Variants in ERF observed in about 807,000 individuals in gnomAD.
ERF encodes the protein ETS domain-containing transcription factor ERF.
Under a neutral mutation model 41.6 loss-of-function variants are expected in ERF, and 10 were observed. The ratio of observed to expected loss-of-function variants is 0.24; its 90% CI spans 0.15 to 0.41. The LOEUF is 0.41. ERF is among the 10% of genes least tolerant of loss of function. ERF has a pLI of 1.00. For synonymous variants in ERF, 395 were observed against 342.4 expected (o/e 1.15, Z -1.70); for missense variants, 621 against 763.2 (o/e 0.81, Z 2.19).
Position 42,249,256 on chromosome 19 carries a change from T to C in ERF, c.856A>G (p.Met286Val). 1 of 1,612,154 alleles carries C rather than the reference T, an allele frequency of 6.2e-7. No individual in the cohort carries two copies. Residue 286 changes from methionine to valine, a missense_variant, in exon 4 of 4, where the codon ATG (methionine) becomes GTG (valine). Met to Val is a conservative substitution (Grantham distance 21, BLOSUM62 1). Around this residue, in one of 3 missense-constraint regions of ERF, gnomAD observed 569 missense variants for 625.5 expected, o/e 0.91. Coordinates refer to ENST00000222329, the MANE Select transcript of ERF (RefSeq NM_006494.4). This position sits in a 1 kb window ranked among gnomAD's most constrained non-coding sequence, Gnocchi z 8.6. ...GGCCCCCCGCCACCACTGGGGTACA[T>C]CGGGCTCAGCGTGGGCGAGGGAGTG... ...AYTPSPTLSP[M>V]YPSGGGGPSG... is the part of the protein sequence containing the mutation.
intron 1 of ERF, chr19:42,253,847 C>G: frequency 2.4e-5 from 26 of 1,064,910 alleles, no homozygotes; most frequent in Non-Finnish European, 2.8e-5. Context: ...CACACCCGCA[C>G]ACAGGAGCCC....
rs750423382 is a variant in ERF at position 42,248,849 on chromosome 19, C to G, written c.1263G>C (p.Pro421=). Residue 421 remains proline (P), a synonymous_variant, in exon 4 of 4, where the codon CCG becomes CCC. Coordinates refer to ENST00000222329, the MANE Select transcript of ERF (RefSeq NM_006494.4). The surrounding 1 kb of genome is among the most constrained non-coding windows in gnomAD (Gnocchi z 4.2). The part of the protein sequence containing the change: ...EGAGALAPPP[P]PPQIKVEPIS... ...TGGGCTCCACCTTGATCTGTGGTGG[C>G]GGGGGCGGTGGGGCTAGCGCCCCTG... 111 of 1,610,716 alleles carry G rather than the reference C, an allele frequency of 6.9e-5. No homozygotes were observed. The highest frequency in any genetic ancestry group is 4.5e-5 in the East Asian group (2 of 44,828).
rs2036407790 is a variant in ERF, at chr19:42,249,611, T to A, written c.501A>T (p.Ser167=). The part of the protein sequence containing the change: ...EDPRSPPACS[S]SSSSLFSAVV... The stretch of plus-strand genomic sequence containing the variant: ...CAGCCGAGAAGAGGGAAGATGAAGA[T>A]GAAGAGCAGGCTGGTGGTGAGCGGG... The change falls in exon 4 of 4, where the codon TCA becomes TCT. Residue 167 remains serine, a synonymous_variant. Transcript: ENST00000222329. This position sits in a 1 kb window ranked among gnomAD's most constrained non-coding sequence, Gnocchi z 8.6. The A allele has an allele frequency of 1.9e-6, 3 of 1,612,804 alleles. No individual in the cohort carries two copies. The highest frequency in any genetic ancestry group is 2.5e-6 in the Non-Finnish European group (3 of 1,179,714).
chr19:42,249,257 C>G lies in ERF; in HGVS notation c.855G>C (p.Pro285=). 4.3e-6 allele frequency: 7 copies of G among 1,611,628 alleles called. No homozygotes were observed. Among genetic ancestry groups the G allele is most frequent in the Non-Finnish European group, 5.1e-6 (6 of 1,178,920 alleles). Residue 285 remains proline, a synonymous_variant, in exon 4 of 4, where the codon CCG becomes CCC. Coordinates refer to ENST00000222329, the MANE Select transcript of ERF (RefSeq NM_006494.4). The surrounding 1 kb of genome is among the most constrained non-coding windows in gnomAD (Gnocchi z 8.6). ...LAYTPSPTLS[P]MYPSGGGGPS... ...GCCCCCCGCCACCACTGGGGTACAT[C>G]GGGCTCAGCGTGGGCGAGGGAGTGT...
chr19:42,251,238 G>C (rs2036440349), intron 1 of ERF: 1 of 985,192 alleles, frequency 1.0e-6, no homozygotes, highest in African/African-American at 1.7e-5. Context: ...GCCCTCCCCA[G>C]ACCCAGGCAT....
chr19:42,254,337 C>G (rs967817487), intron 1 of ERF, among the ~76,000 whole-genome samples: 2 of 151,992 alleles, frequency 1.3e-5, no homozygotes, highest in Non-Finnish European at 2.9e-5. Context: ...CACCTTAAAG[C>G]CGCGCGTTCT....
intron 1 of ERF, 61 bp downstream of exon 1, chr19:42,254,917 T>C: frequency 6.7e-7 from 1 of 1,500,308 alleles, no homozygotes; most frequent in Non-Finnish European, 8.9e-7. Context: ...CCCCCCAAAG[T>C]TTCTCCGTTC....
chr19:42,254,088 G>C (rs1275711100), intron 1 of ERF, among the ~76,000 whole-genome samples: 1 of 149,298 alleles, frequency 6.7e-6, no homozygotes, highest in Non-Finnish European at 1.5e-5. Flanking sequence ...GGGAGGGGGA[G>C]TTAATCCCGC....
At position 42,250,917 on chromosome 19, in the gene ERF, C is replaced by T. The variant is rs2036434487; in HGVS notation, c.23-352G>A. Among the ~76,000 whole-genome samples the T allele has an allele frequency of 6.6e-6, 1 of 152,252 alleles. No homozygotes were observed. The highest frequency in any genetic ancestry group is 1.9e-4 in the East Asian group (1 of 5,168). On this transcript the variant is annotated intron_variant, in intron 1 of 3. Coordinates refer to ENST00000222329, the MANE Select transcript of ERF (RefSeq NM_006494.4). This position sits in a 1 kb window ranked among gnomAD's most constrained non-coding sequence, Gnocchi z 5.1. ...GGCAGGAAGGGGCACACGTGGCCAG[C>T]CGGGTTGGGGTACAGCCCCCCAGCT...
intron 1 of ERF, among the ~76,000 whole-genome samples, chr19:42,252,279 G>A (rs2036456500): frequency 1.3e-5 from 2 of 152,292 alleles, no homozygotes; most frequent in African/African-American, 2.4e-5. Flanking sequence ...TCTAGACCTA[G>A]AAGGGGGGCC....
Position 42,250,647 on chromosome 19 carries a change from C to A in ERF, c.23-82G>T. 2 of 1,364,102 alleles carry A rather than the reference C, an allele frequency of 1.5e-6. No individual in the cohort carries two copies. Among genetic ancestry groups the A allele is most frequent in the South Asian group, 1.3e-5 (1 of 75,644 alleles). 84.5% of individuals were successfully genotyped at this position (1,364,102 alleles called of 1,614,324 possible). On this transcript the variant is annotated intron_variant, in intron 1 of 3. Coordinates refer to ENST00000222329, the MANE Select transcript of ERF (RefSeq NM_006494.4). The surrounding 1 kb of genome is among the most constrained non-coding windows in gnomAD (Gnocchi z 5.1). Reference sequence around the variant, plus strand: ...GGTCCCATCCCAGGGTCCACCTCTGCCCTGCCTTCAACATGGGGAAATCTG... The same window carrying A: ...GGTCCCATCCCAGGGTCCACCTCTGACCTGCCTTCAACATGGGGAAATCTG...
At chr19:42,251,129 G>T in intron 1 of ERF, 1 of 783,320 alleles carries the variant, frequency 1.3e-6, no homozygotes, top group Non-Finnish European at 1.5e-6. Context: ...TTGCCGATGA[G>T]GTCAGCGCTT....
chr19:42,249,527 C>T lies in ERF; in HGVS notation c.585G>A (p.Glu195=), dbSNP rs769297605. Residue 195 remains glutamate (E), a synonymous_variant, in exon 4 of 4, where the codon GAG becomes GAA. Transcript: ENST00000222329. The surrounding 1 kb of genome is among the most constrained non-coding windows in gnomAD (Gnocchi z 8.6). The part of the protein sequence containing the change: ...SVSDCSDGTS[E]LEEPLGEDPR... ...GATCCTCTCCCAGCGGTTCCTCCAG[C>T]TCTGACGTGCCATCACTACAGTCAC... is the stretch of plus-strand genomic sequence containing the variant. 1 of 1,613,258 alleles carries T rather than the reference C, an allele frequency of 6.2e-7. No individual in the cohort carries two copies. The highest frequency in any genetic ancestry group is 8.5e-7 in the Non-Finnish European group (1 of 1,179,936).
Position 42,251,809 on chromosome 19 carries a change from C to T in ERF, c.23-1244G>A, listed in dbSNP as rs1039492948. Among the ~76,000 whole-genome samples the T allele has an allele frequency of 4.6e-5, 7 of 152,134 alleles. No homozygotes were observed. In the South Asian group the frequency reaches 1.0e-3, roughly 22 times the overall value. On this transcript the variant is annotated intron_variant, in intron 1 of 3. Coordinates refer to ENST00000222329, the MANE Select transcript of ERF (RefSeq NM_006494.4). ...TTGGGAATCCAGGGAATCAGTAGTTCCTGCTCCCACAGGGACCACCCCCTC... is the reference window on the plus strand; with the variant it reads ...TTGGGAATCCAGGGAATCAGTAGTTTCTGCTCCCACAGGGACCACCCCCTC...
At chr19:42,252,276 C>CTAGAA (rs2036456463) in intron 1 of ERF, among the ~76,000 whole-genome samples, 1 of 152,136 alleles carries the variant, frequency 6.6e-6, no homozygotes, top group Non-Finnish European at 1.5e-5. Flanking sequence ...GGCTCTAGAC[C>CTAGAA]TAGAAGGGGG....
At position 42,249,719 on chromosome 19, in the gene ERF, ACTCTGGGGCACTGCACC is replaced by A. The variant is rs1293711608; in HGVS notation, c.376_392del (p.Gly126CysfsTer9). The A allele has an allele frequency of 6.3e-7, 1 of 1,597,862 alleles. No individual in the cohort carries two copies. Among genetic ancestry groups the A allele is most frequent in the Non-Finnish European group, 8.5e-7 (1 of 1,169,982 alleles). On this transcript the variant is annotated frameshift_variant and splice_region_variant, in exon 4 of 4. Coordinates refer to ENST00000222329, the MANE Select transcript of ERF (RefSeq NM_006494.4). LOFTEE classifies it high-confidence loss of function. The surrounding 1 kb of genome is among the most constrained non-coding windows in gnomAD (Gnocchi z 8.6). ...TACCACCCGACGGCACTGGCGGGGCACTCTGGGGCACTGCACCCCCTGGCAGAAGGGAGACAGTGTCA... is the reference window on the plus strand; with the variant it reads ...TACCACCCGACGGCACTGGCGGGGCACCCTGGCAGAAGGGAGACAGTGTCA...
At position 42,248,723 on chromosome 19, in the gene ERF, G is replaced by A; in HGVS notation, c.1389C>T (p.Pro463=). The A allele has an allele frequency of 6.2e-7, 1 of 1,613,600 alleles. No individual in the cohort carries two copies. The highest frequency in any genetic ancestry group is 8.5e-7 in the Non-Finnish European group (1 of 1,179,906). The change falls in exon 4 of 4, where the codon CCC becomes CCT. Residue 463 remains proline (P), a synonymous_variant. Transcript: ENST00000222329. The surrounding 1 kb of genome is among the most constrained non-coding windows in gnomAD (Gnocchi z 4.2). The part of the protein sequence containing the change: ...VFKTPRAPPA[P]PKPEPGEAPG... ...GTGCCTCGCCGGGCTCAGGCTTAGGGGGTGCAGGTGGGGCACGGGGCGTCT... is the reference window on the plus strand; with the variant it reads ...GTGCCTCGCCGGGCTCAGGCTTAGGAGGTGCAGGTGGGGCACGGGGCGTCT...
chr19:42,254,099 T>A (rs1176140220), intron 1 of ERF, among the ~76,000 whole-genome samples: 3 of 147,050 alleles, frequency 2.0e-5, no homozygotes, highest in African/African-American at 7.6e-5. Context: ...TTAATCCCGC[T>A]GCCCCCCGCC....
Position 42,249,619 on chromosome 19 carries a change from A to G in ERF, c.493T>C (p.Cys165Arg). Residue 165 changes from cysteine to arginine, a missense_variant, in exon 4 of 4, where the codon TGC becomes CGC. By Grantham distance (180) the Cys-to-Arg change is radical (BLOSUM62 -3). This residue lies in a region of ERF where 569 missense variants were observed against 625.5 expected (regional missense o/e 0.91). Transcript: ENST00000222329. The surrounding 1 kb of genome is among the most constrained non-coding windows in gnomAD (Gnocchi z 8.6). Reference sequence around the variant, plus strand: ...AAGAGGGAAGATGAAGATGAAGAGCAGGCTGGTGGTGAGCGGGGGTCCTCG... The same window carrying G: ...AAGAGGGAAGATGAAGATGAAGAGCGGGCTGGTGGTGAGCGGGGGTCCTCG... ...PTEDPRSPPA[C>R]SSSSSSLFSA... The G allele has an allele frequency of 2.5e-6, 4 of 1,613,148 alleles. No individual in the cohort carries two copies. The highest frequency in any genetic ancestry group is 3.4e-6 in the Non-Finnish European group (4 of 1,179,732).
Sources: allele counts gnomAD v4.1 joint callset (sites outside exome capture counted in the v4.1 genomes callset), GRCh38; gene constraint gnomAD v4.1.1; regional missense constraint gnomAD v4.1.1; non-coding constraint Gnocchi (gnomAD v3.1); transcripts MANE v1.5; gene names NCBI Gene and HGNC (gene_info 2026-07-23, HGNC 2026-07-21).